MARK1: variants seen among roughly 807,000 people sequenced by gnomAD.
MARK1 encodes the protein microtubule affinity regulating kinase 1.
A neutral mutation model predicts 96.3 loss-of-function variants in MARK1; 40 were observed. That is an observed-to-expected ratio of 0.42 (90% CI 0.32 to 0.54). The LOEUF (loss-of-function observed/expected upper bound fraction) is 0.54. Among genes scored for constraint, MARK1 ranks in the 20% least tolerant of loss-of-function variants. MARK1 has a pLI of 0.16. For missense variants in MARK1, 719 were observed against 984.6 expected (o/e 0.73, Z 3.61); for synonymous variants, 317 against 341.2 (o/e 0.93, Z 0.78).
Position 220,653,333 on chromosome 1 carries a change from A to G in MARK1, c.1969A>G (p.Thr657Ala). ...GTCAACTGGTATAATAAGCAAAATCACATCCAAATTTGTTCGCAGGTCAGT... is the reference window on the plus strand; with the variant it reads ...GTCAACTGGTATAATAAGCAAAATCGCATCCAAATTTGTTCGCAGGTCAGT... Reference protein sequence around the residue: ...GTSTGIISKITSKFVRRDPSE... With the variant: ...GTSTGIISKIASKFVRRDPSE... Residue 657 changes from threonine to alanine, a missense_variant, in exon 16 of 18, where the codon ACA becomes GCA. Around this residue, in one of 4 missense-constraint regions of MARK1, gnomAD observed 501 missense variants for 588.3 expected, o/e 0.85. Coordinates refer to ENST00000366917, the MANE Select transcript of MARK1 (RefSeq NM_018650.5). 6.2e-7 allele frequency: 1 copy of G among 1,614,262 alleles called. No individual in the cohort carries two copies. Among genetic ancestry groups the G allele is most frequent in the Non-Finnish European group, 8.5e-7 (1 of 1,180,036 alleles).
At chr1:220,652,888 T>A (rs1668958354) in intron 15 of MARK1, among the ~76,000 whole-genome samples, 1 of 152,216 alleles carries the variant, frequency 6.6e-6, no homozygotes. Context: ...TTTGTGTCCC[T>A]GTTTCAGTCA....
intron 9 of MARK1, chr1:220,627,421 G>A (rs1313130347): frequency 6.3e-6 from 3 of 478,228 alleles, no homozygotes; most frequent in African/African-American, 6.0e-5. Context: ...AAGCCAAAGG[G>A]GTCAAGGAGG....
rs576030720 is a variant in MARK1, at chr1:220,553,204, G to A, written c.51+24331G>A. Reference sequence around the variant, plus strand: ...TCTAAGTCCTTGATCATTCAGCCAAGCCATTAGCACCAGTCTGTGAATCTC... The same window carrying A: ...TCTAAGTCCTTGATCATTCAGCCAAACCATTAGCACCAGTCTGTGAATCTC... On this transcript the variant is annotated intron_variant, in intron 1 of 17. Coordinates refer to ENST00000366917, the MANE Select transcript of MARK1 (RefSeq NM_018650.5). 3.9e-5 allele frequency among the ~76,000 whole-genome samples: 6 copies of A among 152,272 alleles called. No individual in the cohort carries two copies. The South Asian group carries it at 1.2e-3, about 32-fold the overall frequency.
intron 9 of MARK1, among the ~76,000 whole-genome samples, chr1:220,625,194 G>GA (rs967968617): frequency 5.3e-5 from 8 of 152,208 alleles, no homozygotes; most frequent in African/African-American, 1.9e-4. Context: ...ATGTGAAGGA[G>GA]ATAAACCTCT....
At chr1:220,645,229 A>G (rs1668515451) in intron 13 of MARK1, among the ~76,000 whole-genome samples, 1 of 152,188 alleles carries the variant, frequency 6.6e-6, no homozygotes, top group Non-Finnish European at 1.5e-5. Context: ...AATGATAAGG[A>G]GGATGCCACC....
chr1:220,626,016 C>G (rs1667305271), intron 9 of MARK1: 1 of 550,288 alleles, frequency 1.8e-6, no homozygotes, highest in African/African-American at 1.9e-5. Context: ...GATGCAGATT[C>G]AACGTCAGCA....
At chr1:220,568,383 C>T (rs981612914) in intron 1 of MARK1, among the ~76,000 whole-genome samples, 5 of 152,032 alleles carry the variant, frequency 3.3e-5, no homozygotes, top group Admixed American at 6.6e-5. Context: ...CTAGAGCAAA[C>T]GACCTGTTGT....
intron 1 of MARK1, among the ~76,000 whole-genome samples, chr1:220,530,225 A>AC (rs894896485): frequency 1.3e-4 from 2 of 15,070 alleles, no homozygotes; most frequent in Admixed American, 2.9e-3. Flanking sequence ...AGCGCCGTGC[A>AC]TTTAAATGGG....
chr1:220,626,986 G>A (rs1004020961), intron 9 of MARK1: 3 of 523,454 alleles, frequency 5.7e-6, no homozygotes, highest in South Asian at 4.5e-5. Flanking sequence ...TCCCTAATGA[G>A]CTTCCATACA....
In MARK1 at chr1:220,618,386, G is replaced by T. The variant is rs1168364080; in HGVS notation, c.629G>T (p.Gly210Val). ...DFGFSNEFTV[G>V]NKLDTFCGSP... ...GGTTTTAGTAATGAATTTACAGTTG[G>T]GAACAAATTGGACACATTTTGTGGA... Residue 210 changes from glycine to valine, a missense_variant, in exon 8 of 18, where the codon GGG (glycine) becomes GTG (valine). By Grantham distance (109) the Gly-to-Val change is moderately radical. This residue lies in a region of MARK1 where 96 missense variants were observed against 213.1 expected (regional missense o/e 0.45). Coordinates refer to ENST00000366917, the MANE Select transcript of MARK1 (RefSeq NM_018650.5). This position sits in a 1 kb window ranked among gnomAD's most constrained non-coding sequence, Gnocchi z 4.6. The T allele has an allele frequency of 6.2e-7, 1 of 1,614,026 alleles. No homozygotes were observed. Among genetic ancestry groups the T allele is most frequent in the Admixed American group, 1.7e-5 (1 of 60,000 alleles).
At chr1:220,592,441 A>G (rs183177102) in intron 3 of MARK1, among the ~76,000 whole-genome samples, 7 of 151,922 alleles carry the variant, frequency 4.6e-5, no homozygotes, top group African/African-American at 1.2e-4. Context: ...ACTAACAGCT[A>G]AAAAGAAATG....
At chr1:220,566,519 TTTTG>T (rs907352490) in intron 1 of MARK1, among the ~76,000 whole-genome samples, 3 of 152,122 alleles carry the variant, frequency 2.0e-5, no homozygotes, top group African/African-American at 7.2e-5. Context: ...GGGTTTTTTG[TTTTG>T]TTTATTTGTT....
chr1:220,580,711 A>G (rs1664179971), intron 2 of MARK1, among the ~76,000 whole-genome samples: 2 of 152,202 alleles, frequency 1.3e-5, no homozygotes, highest in South Asian at 4.1e-4. Context: ...TTTTATTCAC[A>G]TAATATTTAA....
At chr1:220,570,471 A>G (rs1269290470) in intron 1 of MARK1, among the ~76,000 whole-genome samples, 1 of 152,098 alleles carries the variant, frequency 6.6e-6, no homozygotes, top group Non-Finnish European at 1.5e-5. Context: ...ATCTAATACT[A>G]CTGCTTTGTT....
At chr1:220,545,439 GTTTTTTTTT>G (rs35422682) in intron 1 of MARK1, among the ~76,000 whole-genome samples, 1 of 87,260 alleles carries the variant, frequency 1.1e-5, no homozygotes, top group African/African-American at 4.5e-5. Flanking sequence ...CTTTCTCATG[GTTTTTTTTT>G]TTTTTTTTTT....
intron 9 of MARK1, chr1:220,626,423 A>C: frequency 1.8e-6 from 1 of 545,594 alleles, no homozygotes; most frequent in Admixed American, 1.9e-5. Context: ...CTGCTCCGAG[A>C]TGGGATTGAC....
rs748779509 is a variant in MARK1, at chr1:220,632,228, G to A, written c.1037G>A (p.Arg346Gln). 9.2e-6 allele frequency: 14 copies of A among 1,527,260 alleles called. No homozygotes were observed. Among genetic ancestry groups the A allele is most frequent in the South Asian group, 4.1e-5 (3 of 73,740 alleles). 94.6% of individuals were successfully genotyped at this position (1,527,260 alleles called of 1,614,324 possible). A position where few individuals can be genotyped will look rare whatever the true frequency, so the allele number is the denominator to read the frequency against. The change falls in exon 11 of 18, where the codon CGA becomes CAA. Residue 346 changes from arginine (R) to glutamine (Q), a missense_variant. Around this residue, in one of 4 missense-constraint regions of MARK1, gnomAD observed 501 missense variants for 588.3 expected, o/e 0.85. Transcript: ENST00000366917. ...ATTATGGTCACCATGGGCTTTGCAC[G>A]AGATGAAATAAATGATGCCTTAATA... The part of the protein sequence containing the change: ...IDIMVTMGFA[R>Q]DEINDALINQ...
intron 1 of MARK1, among the ~76,000 whole-genome samples, chr1:220,573,084 T>A (rs1663583606): frequency 1.3e-5 from 2 of 152,198 alleles, no homozygotes; most frequent in Non-Finnish European, 2.9e-5. Context: ...CCTCTATGCA[T>A]GGTTTCAGCA....
intron 4 of MARK1, among the ~76,000 whole-genome samples, chr1:220,598,850 G>A (rs560753878): frequency 1.3e-5 from 2 of 152,030 alleles, no homozygotes; most frequent in East Asian, 1.9e-4. Context: ...GTGATGGTGC[G>A]CACCTGTAGG....
Sources: allele counts gnomAD v4.1 joint callset (sites outside exome capture counted in the v4.1 genomes callset), GRCh38; gene constraint gnomAD v4.1.1; regional missense constraint gnomAD v4.1.1; non-coding constraint Gnocchi (gnomAD v3.1); transcripts MANE v1.5; gene names NCBI Gene and HGNC (gene_info 2026-07-23, HGNC 2026-07-21).